RBM34: variants seen among roughly 807,000 people sequenced by gnomAD.
RBM34 encodes RNA binding motif protein 34.
A neutral mutation model predicts 44.6 loss-of-function variants in RBM34; 39 were observed. That is an observed-to-expected ratio of 0.87 (90% CI 0.68 to 1.14). RBM34 has a LOEUF of 1.14. Ranked by LOEUF, RBM34 falls within the 50% of genes most tolerant of loss-of-function variation. The pLI is 0.00. For synonymous variants in RBM34, 194 were observed against 184.0 expected (o/e 1.05, Z -0.44); for missense variants, 572 against 517.9 (o/e 1.10, Z -1.01).
chr1:235,153,233 A>C (rs1182294077), intron 4 of RBM34, among the ~76,000 whole-genome samples: 2 of 151,138 alleles, frequency 1.3e-5, no homozygotes, highest in Non-Finnish European at 2.9e-5. Flanking sequence ...GAACAAAAAA[A>C]TTTTACTGAA....
chr1:235,144,666 G>C (rs1340350980), intron 6 of RBM34, among the ~76,000 whole-genome samples: 4 of 152,140 alleles, frequency 2.6e-5, no homozygotes, highest in Admixed American at 2.6e-4. Context: ...ATGATTACTT[G>C]AGCCTAGGAA....
intron 6 of RBM34, among the ~76,000 whole-genome samples, chr1:235,143,108 C>T (rs959869822): frequency 6.6e-6 from 1 of 152,124 alleles, no homozygotes; most frequent in Non-Finnish European, 1.5e-5. Context: ...ACCAACATTT[C>T]ACCAAAGAAT....
At chr1:235,157,491 T>C (rs765489878) in intron 3 of RBM34, among the ~76,000 whole-genome samples, 7 of 152,056 alleles carry the variant, frequency 4.6e-5, no homozygotes, top group Non-Finnish European at 7.4e-5. Flanking sequence ...CAGTGGAGCA[T>C]TCTTACCTGG....
At chr1:235,132,638 C>T (rs139481217) in intron 10 of RBM34, among the ~76,000 whole-genome samples, 68 of 152,186 alleles carry the variant, frequency 4.5e-4, no homozygotes, top group Non-Finnish European at 7.6e-4. Flanking sequence ...GAATAAACCT[C>T]CTTCGTATAG....
chr1:235,146,964 C>G (rs1661932106), intron 6 of RBM34, among the ~76,000 whole-genome samples: 1 of 152,192 alleles, frequency 6.6e-6, no homozygotes, highest in African/African-American at 2.4e-5. Context: ...AAGGCAGTGG[C>G]TCATGCTCAT....
At position 235,155,091 on chromosome 1, in the gene RBM34, A is replaced by G; in HGVS notation, c.387T>C (p.Ala129=). 2 of 1,613,080 alleles carry G rather than the reference A, an allele frequency of 1.2e-6. No individual in the cohort carries two copies. The highest frequency in any genetic ancestry group is 2.2e-5 in the South Asian group (2 of 90,922). ...LADRESALAS[A]DLEEEIHQKQ... is the part of the protein sequence containing the mutation. ...TCTGGTGAATTTCTTCTTCTAAATC[A>G]GCACTCGCTAGAGCGCTTTCCCTTT... The change falls in exon 4 of 11, where the codon GCT becomes GCC. Residue 129 remains alanine, a synonymous_variant. Transcript: ENST00000408888.
At chr1:235,136,994 TC>T (rs568907981) in intron 8 of RBM34, among the ~76,000 whole-genome samples, 33 of 152,214 alleles carry the variant, frequency 2.2e-4, no homozygotes, top group South Asian at 1.9e-3. Context: ...CTTTCTTTTT[TC>T]CCCCCGCTTC....
intron 3 of RBM34, among the ~76,000 whole-genome samples, chr1:235,158,416 CAAAACAAAAAAAA>C (rs1412427157): frequency 1.8e-5 from 2 of 112,986 alleles, no homozygotes; most frequent in South Asian, 3.0e-4. Context: ...AACGCCATCT[CAAAACAAAAAAAA>C]AAAACAAAAA....
chr1:235,151,297 T>C (rs1256087506), intron 5 of RBM34, among the ~76,000 whole-genome samples: 2 of 151,596 alleles, frequency 1.3e-5, no homozygotes, highest in Admixed American at 6.6e-5. Context: ...CAGCATAGGG[T>C]TGGGGTGAGA....
At chr1:235,155,862 T>TATATATATATATAC (rs1322918501) in intron 3 of RBM34, among the ~76,000 whole-genome samples, 5 of 39,954 alleles carry the variant, frequency 1.3e-4, no homozygotes, top group African/African-American at 4.2e-4. Context: ...TATATATATA[T>TATATATATATATAC]ATATACATAT....
At chr1:235,160,178 G>A (rs1662636513) in intron 3 of RBM34, 1 of 442,500 alleles carries the variant, frequency 2.3e-6, no homozygotes, top group South Asian at 1.7e-5. Context: ...CTTGAACCTG[G>A]GAAGCGGAGG....
chr1:235,134,745 GTTT>G (rs775688608), intron 10 of RBM34, among the ~76,000 whole-genome samples: 3 of 136,824 alleles, frequency 2.2e-5, no homozygotes, highest in Non-Finnish European at 3.2e-5. Context: ...TCGTTTTCGG[GTTT>G]TTTTTTTTTT....
chr1:235,154,032 G>A (rs920382745), intron 4 of RBM34, among the ~76,000 whole-genome samples: 2 of 152,020 alleles, frequency 1.3e-5, no homozygotes, highest in Non-Finnish European at 1.5e-5. Flanking sequence ...GGATCACAAG[G>A]TCAGGAAATC....
At position 235,131,935 on chromosome 1, in the gene RBM34, G is replaced by C. The variant is rs564813946; in HGVS notation, c.1071C>G (p.Leu357=). 1.2e-6 allele frequency: 2 copies of C among 1,612,328 alleles called. No individual in the cohort carries two copies. The highest frequency in any genetic ancestry group is 1.7e-6 in the Non-Finnish European group (2 of 1,178,876). ...LNNSELMGRK[L]RVMRSVNKEK... is the part of the protein sequence containing the mutation. ...CTTTATTAACAGAACGCATGACTCT[G>C]AGTTTTCTCCCCATGAGTTCAGAAT... Residue 357 remains leucine, a synonymous_variant, in exon 11 of 11, where the codon CTC becomes CTG. Coordinates refer to ENST00000408888, the MANE Select transcript of RBM34 (RefSeq NM_015014.4).
Position 235,157,630 on chromosome 1 carries a change from G to C in RBM34, c.366-2518C>G, listed in dbSNP as rs1662507430. Among the ~76,000 whole-genome samples, 3 of 152,186 alleles carry C rather than the reference G, an allele frequency of 2.0e-5. No homozygotes were observed. In the South Asian group the frequency reaches 6.2e-4, roughly 32 times the overall value. On this transcript the variant is annotated intron_variant, in intron 3 of 10. Transcript: ENST00000408888. ...AACAAAGGGTGACAAAGGGTCACAA[G>C]AACATGACCAAGAATGAGACCCCTG...
intron 5 of RBM34, among the ~76,000 whole-genome samples, chr1:235,151,222 G>A (rs1190686814): frequency 6.6e-6 from 1 of 152,192 alleles, no homozygotes; most frequent in African/African-American, 2.4e-5. Flanking sequence ...AGCCAATGAA[G>A]AGTCAAAGGC....
chr1:235,157,477 C>T (rs187821546), intron 3 of RBM34, among the ~76,000 whole-genome samples: 10 of 152,234 alleles, frequency 6.6e-5, no homozygotes, highest in African/African-American at 2.2e-4. Flanking sequence ...GAATGATGAG[C>T]TCCCAGTGGA....
At chr1:235,141,435 G>T (rs936298018) in intron 6 of RBM34, among the ~76,000 whole-genome samples, 1 of 152,062 alleles carries the variant, frequency 6.6e-6, no homozygotes. Flanking sequence ...GAGAACCTTT[G>T]TATCTAGCTC....
intron 10 of RBM34, among the ~76,000 whole-genome samples, chr1:235,133,944 C>A (rs950022295): frequency 2.0e-5 from 3 of 152,158 alleles, no homozygotes; most frequent in African/African-American, 7.2e-5. Context: ...CTCACTACAG[C>A]CTTGACCTCC....
Sources: gnomAD v4.1 joint callset for allele counts (sites outside exome capture counted in the v4.1 genomes callset) on GRCh38, gnomAD v4.1.1 for gene constraint, MANE v1.5 for transcripts, NCBI Gene and HGNC (gene_info 2026-07-23, HGNC 2026-07-21) for gene names.